The following PTPRD variants were observed in gnomAD, a reference collection of about 807,000 sequenced individuals.
The protein encoded by PTPRD is protein tyrosine phosphatase receptor type D.
Under a neutral mutation model 214.5 loss-of-function variants are expected in PTPRD, and 34 were observed. The observed-to-expected ratio is 0.16, with a 90% CI of 0.12 to 0.21. The LOEUF is 0.21. Ranked by LOEUF, PTPRD falls within the 10% of genes least tolerant of loss-of-function variation. The probability of loss-of-function intolerance (pLI) is 1.00; values close to 1 mark genes in which losing one functional copy is unlikely to be tolerated. For missense variants in PTPRD, 2,545 were observed against 2,398.7 expected (o/e 1.06, Z -1.27); for synonymous variants, 1,128 against 845.7 (o/e 1.33, Z -5.79).
At chr9:8,899,660 A>C (rs1332966006) in intron 11 of PTPRD, among the ~76,000 whole-genome samples, 1 of 152,176 alleles carries the variant, frequency 6.6e-6, no homozygotes. Context: ...CTGTGTTTAG[A>C]CTGGAGTAGT....
At chr9:9,061,746 C>T (rs368372270) in intron 10 of PTPRD, among the ~76,000 whole-genome samples, 2 of 152,206 alleles carry the variant, frequency 1.3e-5, no homozygotes, top group African/African-American at 2.4e-5. Flanking sequence ...TGTATCCTAC[C>T]GAGGGCCTTG....
At chr9:8,676,317 A>G (rs2097415839) in intron 12 of PTPRD, among the ~76,000 whole-genome samples, 1 of 150,582 alleles carries the variant, frequency 6.6e-6, no homozygotes, top group South Asian at 2.1e-4. Flanking sequence ...ACCCTCCATT[A>G]TAGTAGCTTT....
chr9:8,526,656 A>T lies in PTPRD; in HGVS notation c.551-12T>A. The T allele has an allele frequency of 6.4e-7, 1 of 1,572,038 alleles. No homozygotes were observed. Among genetic ancestry groups the T allele is most frequent in the Non-Finnish European group, 8.7e-7 (1 of 1,155,780 alleles). ...TATTGGTGTACCACCTGGGTGGATA[A>T]TATGAATGCAAATAAGATTAGAAAG... On this transcript the variant is annotated splice_polypyrimidine_tract_variant and intron_variant, in intron 16 of 45. Coordinates refer to ENST00000381196, the MANE Select transcript of PTPRD (RefSeq NM_002839.4).
intron 8 of PTPRD, among the ~76,000 whole-genome samples, chr9:9,570,854 T>C (rs149461763): frequency 1.5e-4 from 22 of 151,688 alleles, no homozygotes; most frequent in East Asian, 5.8e-4. Flanking sequence ...TATCCAAGTA[T>C]ATGGATTAAT....
chr9:8,491,808 G>A (rs1472116044), intron 27 of PTPRD, among the ~76,000 whole-genome samples: 11 of 152,126 alleles, frequency 7.2e-5, no homozygotes, highest in African/African-American at 1.2e-4. Context: ...AGCATGGCAC[G>A]CAGGAGGGCA....
At chr9:9,706,170 C>T (rs2097600719) in intron 7 of PTPRD, among the ~76,000 whole-genome samples, 1 of 152,106 alleles carries the variant, frequency 6.6e-6, no homozygotes, top group South Asian at 2.1e-4. Context: ...TTTTGAATTA[C>T]TCCCTAATCT....
chr9:10,353,028 T>C (rs983501049), intron 2 of PTPRD, among the ~76,000 whole-genome samples: 4 of 152,026 alleles, frequency 2.6e-5, no homozygotes, highest in Admixed American at 6.5e-5. Context: ...AGGCAAGGTA[T>C]ATATGGTAAT....
At chr9:10,090,066 T>C (rs1312129860) in intron 3 of PTPRD, among the ~76,000 whole-genome samples, 1 of 151,686 alleles carries the variant, frequency 6.6e-6, no homozygotes, top group Non-Finnish European at 1.5e-5. Flanking sequence ...TTGCTTTATC[T>C]GGGAATTATG....
At chr9:8,509,189 C>A (rs931211339) in intron 21 of PTPRD, among the ~76,000 whole-genome samples, 1 of 152,024 alleles carries the variant, frequency 6.6e-6, no homozygotes, top group East Asian at 1.9e-4. Context: ...AAGCAAGAGG[C>A]AGAGGGACAG....
intron 8 of PTPRD, among the ~76,000 whole-genome samples, chr9:9,509,094 C>T (rs1233607212): frequency 2.0e-5 from 3 of 151,284 alleles, no homozygotes; most frequent in Non-Finnish European, 4.4e-5. Context: ...AAGAGGAATG[C>T]CATGATTAAG....
chr9:8,385,652 TAAGGA>T (rs1218107274), intron 37 of PTPRD, among the ~76,000 whole-genome samples: 1 of 152,038 alleles, frequency 6.6e-6, no homozygotes, highest in Non-Finnish European at 1.5e-5. Context: ...AACTGAACAA[TAAGGA>T]AACGTATCTT....
chr9:9,770,553 T>C (rs2154481375), intron 5 of PTPRD, among the ~76,000 whole-genome samples: 2 of 152,284 alleles, frequency 1.3e-5, no homozygotes, highest in South Asian at 4.1e-4. Flanking sequence ...TTTAATGTAA[T>C]CTAAAGTGAA....
chr9:8,868,945 A>G (rs1325159340), intron 11 of PTPRD, among the ~76,000 whole-genome samples: 4 of 152,194 alleles, frequency 2.6e-5, no homozygotes, highest in Admixed American at 1.3e-4. Flanking sequence ...TTATCCAAAT[A>G]CAATACAAAC....
At chr9:9,067,663 A>G (rs968248660) in intron 10 of PTPRD, among the ~76,000 whole-genome samples, 13 of 152,174 alleles carry the variant, frequency 8.5e-5, no homozygotes, top group Admixed American at 8.5e-4. Flanking sequence ...TATAATATAG[A>G]TTTGCATATG....
At chr9:10,509,470 C>CATCTATCCATCTATCTATCT (rs1555449733) in intron 2 of PTPRD, among the ~76,000 whole-genome samples, 61 of 138,146 alleles carry the variant, frequency 4.4e-4, no homozygotes, top group Non-Finnish European at 7.3e-4. Flanking sequence ...TTGATTGATC[C>CATCTATCCATCTATCTATCT]ATCTATCTAT....
At chr9:9,438,155 C>T (rs1417804541) in intron 8 of PTPRD, among the ~76,000 whole-genome samples, 2 of 152,142 alleles carry the variant, frequency 1.3e-5, no homozygotes, top group East Asian at 3.9e-4. Context: ...TTCACTTTCA[C>T]TTGATAATCT....
chr9:8,885,009 T>G (rs2098475105), intron 11 of PTPRD, among the ~76,000 whole-genome samples: 1 of 152,190 alleles, frequency 6.6e-6, no homozygotes, highest in Non-Finnish European at 1.5e-5. Flanking sequence ...AATTTAGTGC[T>G]TTTGAGAATG....
intron 2 of PTPRD, among the ~76,000 whole-genome samples, chr9:10,397,234 A>G (rs1252698884): frequency 6.6e-6 from 1 of 152,068 alleles, no homozygotes; most frequent in Non-Finnish European, 1.5e-5. Context: ...CACCTATGTG[A>G]CTTGTCACAA....
intron 2 of PTPRD, among the ~76,000 whole-genome samples, chr9:10,535,184 C>G (rs529409595): frequency 6.6e-6 from 1 of 152,264 alleles, no homozygotes; most frequent in Admixed American, 6.5e-5. Flanking sequence ...CCATTTATCA[C>G]AAATTCATCC....
Sources: allele counts gnomAD v4.1 joint callset (sites outside exome capture counted in the v4.1 genomes callset), GRCh38; gene constraint gnomAD v4.1.1; transcripts MANE v1.5; gene names NCBI Gene and HGNC (gene_info 2026-07-23, HGNC 2026-07-21).